Variants in CTC1 observed in about 807,000 individuals in gnomAD.
CTC1 encodes CST complex subunit CTC1.
A neutral mutation model predicts 136.3 loss-of-function variants in CTC1; 91 were observed. That is an observed-to-expected ratio of 0.67 (90% CI 0.56 to 0.79). The LOEUF is 0.79. CTC1 is among the 30% of genes least tolerant of loss of function. CTC1 has a pLI of 0.00. For missense variants in CTC1, 1,432 were observed against 1,498.1 expected, an observed-to-expected ratio of 0.96 and a Z score of 0.73; for synonymous variants, 606 against 613.8, an observed-to-expected ratio of 0.99 and a Z score of 0.19.
chr17:8,227,119 G>A lies in CTC1; in HGVS notation c.*1061C>T, dbSNP rs1240025210. The A allele has an allele frequency of 6.6e-6, 1 of 150,526 alleles. No homozygotes were observed. Among genetic ancestry groups the A allele is most frequent in the East Asian group, 1.9e-4 (1 of 5,196 alleles). The allele number at this position is 150,526 out of a possible 1,614,324, so 9.3% of individuals were successfully genotyped here. A position where few individuals can be genotyped will look rare whatever the true frequency, so the allele number is the denominator to read the frequency against. ...AATATAGGGTATTGCTACCATAAAA[G>A]CAGCATAAATCCCAACATATGGGTT... On this transcript the variant is annotated 3_prime_UTR_variant, in exon 23 of 23. Coordinates refer to ENST00000651323, the MANE Select transcript of CTC1 (RefSeq NM_025099.6).
chr17:8,240,914 A>G (rs545510195), intron 2 of CTC1, among the ~76,000 whole-genome samples: 4 of 152,322 alleles, frequency 2.6e-5, no homozygotes, highest in Non-Finnish European at 4.4e-5. Context: ...ATGTAACAAA[A>G]TATCATTTAA....
chr17:8,226,220 G>A lies in CTC1; in HGVS notation c.*1960C>T, dbSNP rs11650309. On this transcript the variant is annotated 3_prime_UTR_variant, in exon 23 of 23. Coordinates refer to ENST00000651323, the MANE Select transcript of CTC1 (RefSeq NM_025099.6). ...GTGGATTTAGCCGCAAAATCACGCT[G>A]TTTCAATTGAATAAAGGCACCGCTG... The A allele has an allele frequency of 2.6e-5, 4 of 152,110 alleles. No homozygotes were observed. The highest frequency in any genetic ancestry group is 7.2e-5 in the African/African-American group (3 of 41,392). The allele number at this position is 152,110 out of a possible 1,614,324, so 9.4% of individuals were successfully genotyped here. A position where few individuals can be genotyped will look rare whatever the true frequency, so the allele number is the denominator to read the frequency against.
chr17:8,231,270 A>G lies in CTC1; in HGVS notation c.2669+6T>C. On this transcript the variant is annotated splice_donor_region_variant and intron_variant, in intron 15 of 22. Transcript: ENST00000651323. ...AATTAACCAGAGGGGCTTGGTGGACATTTACTTGTCACTGAGCAGGTCGGT... is the reference window on the plus strand; with the variant it reads ...AATTAACCAGAGGGGCTTGGTGGACGTTTACTTGTCACTGAGCAGGTCGGT... 1 of 1,518,838 alleles carries G rather than the reference A, an allele frequency of 6.6e-7. No homozygotes were observed. Among genetic ancestry groups the G allele is most frequent in the South Asian group, 1.3e-5 (1 of 78,260 alleles). The allele number at this position is 1,518,838 out of a possible 1,614,324, so 94.1% of individuals were successfully genotyped here. A position where few individuals can be genotyped will look rare whatever the true frequency, so the allele number is the denominator to read the frequency against.
chr17:8,231,287 C>T lies in CTC1; in HGVS notation c.2658G>A (p.Leu886=). Residue 886 remains leucine (L), a synonymous_variant, in exon 15 of 23, where the codon CTG becomes CTA. Transcript: ENST00000651323. Reference sequence around the variant, plus strand: ...TGGTGGACATTTACTTGTCACTGAGCAGGTCGGTCAGTGAGGATTCAGGCA... The same window carrying T: ...TGGTGGACATTTACTTGTCACTGAGTAGGTCGGTCAGTGAGGATTCAGGCA... ...KSLPESSLTD[L]LSDNFTDSLV... 6.4e-7 allele frequency: 1 copy of T among 1,567,264 alleles called. No homozygotes were observed. Among genetic ancestry groups the T allele is most frequent in the Non-Finnish European group, 8.7e-7 (1 of 1,150,610 alleles).
intron 1 of CTC1, 66 bp downstream of exon 1, chr17:8,247,938 A>C (rs1238909867): frequency 6.6e-7 from 1 of 1,520,198 alleles, no homozygotes; most frequent in Non-Finnish European, 9.0e-7. Context: ...CAGAGGAAAT[A>C]GGAAGAGAAA....
rs1407136775 is a variant in CTC1 at position 8,234,773 on chromosome 17, C to T, written c.1593G>A (p.Glu531=). The change falls in exon 9 of 23, where the codon GAG becomes GAA. Residue 531 remains glutamate (E), a synonymous_variant. Transcript: ENST00000651323. ...VRNAHNEILE[E]PHHCPLQKYT... Reference sequence around the variant, plus strand: ...CTTTCTGGAGGGGACAGTGATGTGGCTCTTCAAGGATCTCATTGTGTGCAT... The same window carrying T: ...CTTTCTGGAGGGGACAGTGATGTGGTTCTTCAAGGATCTCATTGTGTGCAT... 1 of 1,600,472 alleles carries T rather than the reference C, an allele frequency of 6.2e-7. No homozygotes were observed. Among genetic ancestry groups the T allele is most frequent in the Admixed American group, 1.7e-5 (1 of 58,534 alleles).
In CTC1 at chr17:8,228,842, T is replaced by C. The variant is rs1597373397; in HGVS notation, c.3272A>G (p.His1091Arg). Reference sequence around the variant, plus strand: ...CAGCCCTAGTGCTGCTGCCACATGGTGATTCCTACAGGTCACCACGGCTTC... The same window carrying C: ...CAGCCCTAGTGCTGCTGCCACATGGCGATTCCTACAGGTCACCACGGCTTC... ...TAEAVVTCRNHHVAAALGLCP... is the reference protein window; with the variant it reads ...TAEAVVTCRNRHVAAALGLCP... Residue 1091 changes from histidine (H) to arginine (R), a missense_variant, in exon 21 of 23, where the codon CAC becomes CGC. By Grantham distance (29) the His-to-Arg change is conservative. Transcript: ENST00000651323. 1 of 1,613,962 alleles carries C rather than the reference T, an allele frequency of 6.2e-7. No homozygotes were observed. Among genetic ancestry groups the C allele is most frequent in the East Asian group, 2.2e-5 (1 of 44,880 alleles).
Position 8,248,050 on chromosome 17 carries a change from T to G in CTC1, c.-14A>C, listed in dbSNP as rs1304941630. The G allele has an allele frequency of 2.5e-6, 3 of 1,180,804 alleles. No homozygotes were observed. The highest frequency in any genetic ancestry group is 3.4e-6 in the Non-Finnish European group (3 of 876,686). 73.1% of individuals were successfully genotyped at this position (1,180,804 alleles called of 1,614,324 possible). A position where few individuals can be genotyped will look rare whatever the true frequency, so the allele number is the denominator to read the frequency against. ...GCCAGCCGCCATGATGCGCCGGAGC[T>G]CCGCCCCCGGGAGGGGCAGGTGCTC... On this transcript the variant is annotated 5_prime_UTR_variant, in exon 1 of 23. Transcript: ENST00000651323.
At chr17:8,232,688 G>A in intron 11 of CTC1, 2 of 701,348 alleles carry the variant, frequency 2.9e-6, no homozygotes, top group South Asian at 1.8e-5. Context: ...TGGAGTGCAT[G>A]TTAGGAGCTA....
At position 8,226,083 on chromosome 17, in the gene CTC1, A is replaced by G. The variant is rs1000047631; in HGVS notation, c.*2097T>C. On this transcript the variant is annotated 3_prime_UTR_variant, in exon 23 of 23. Transcript: ENST00000651323. ...CCCCTAAGTTAGAGAACCACCTTTT[A>G]GAGTGGCGATCTCATGGGAGTGGCA... 1 of 152,176 alleles carries G rather than the reference A, an allele frequency of 6.6e-6. No homozygotes were observed. The highest frequency in any genetic ancestry group is 1.9e-4 in the East Asian group (1 of 5,194). The allele number at this position is 152,176 out of a possible 1,614,324, so 9.4% of individuals were successfully genotyped here. A position where few individuals can be genotyped will look rare whatever the true frequency, so the allele number is the denominator to read the frequency against.
In CTC1 at chr17:8,235,139, G is replaced by A. The variant is rs767761553; in HGVS notation, c.1353C>T (p.Ser451=). The change falls in exon 8 of 23, where the codon TCC becomes TCT. Residue 451 remains serine (S), a synonymous_variant. Transcript: ENST00000651323. Reference sequence around the variant, plus strand: ...GTTCCCACACCAGCTGCTCGTACAGGGAGGCCCCGTAGGCTTGACGGGATG... The same window carrying A: ...GTTCCCACACCAGCTGCTCGTACAGAGAGGCCCCGTAGGCTTGACGGGATG... The part of the protein sequence containing the change: ...AHSSRQAYGA[S]LYEQLVWERQ... 3 of 1,614,184 alleles carry A rather than the reference G, an allele frequency of 1.9e-6. No individual in the cohort carries two copies. Among genetic ancestry groups the A allele is most frequent in the Non-Finnish European group, 2.5e-6 (3 of 1,180,034 alleles).
rs1452514240 is a variant in CTC1 at position 8,243,181 on chromosome 17, A to G, written c.34-33T>C. The G allele has an allele frequency of 1.1e-5, 18 of 1,593,632 alleles. No homozygotes were observed. The Admixed American group carries it at 3.0e-4, about 27-fold the overall frequency. ...AAGTGAATTTAGTTAAAACATCTTG[A>G]CTATCCGGCCCACCAAGGAAACTTG... is the stretch of plus-strand genomic sequence containing the variant. On this transcript the variant is annotated intron_variant, in intron 1 of 22. Coordinates refer to ENST00000651323, the MANE Select transcript of CTC1 (RefSeq NM_025099.6).
At chr17:8,231,616 C>A in intron 14 of CTC1, 110 bp downstream of exon 14, 1 of 1,259,000 alleles carries the variant, frequency 7.9e-7, no homozygotes, top group Non-Finnish European at 1.1e-6. Flanking sequence ...TATCTAAATC[C>A]AGCCTTCTTC....
At chr17:8,247,033 G>A (rs1988788595) in intron 1 of CTC1, among the ~76,000 whole-genome samples, 1 of 148,020 alleles carries the variant, frequency 6.8e-6, no homozygotes, top group African/African-American at 2.5e-5. Flanking sequence ...TGGCTCTGTC[G>A]TCCAGGCTAG....
intron 1 of CTC1, among the ~76,000 whole-genome samples, chr17:8,243,519 CAAAA>C (rs796589471): frequency 1.1e-5 from 1 of 89,124 alleles, no homozygotes; most frequent in East Asian, 3.3e-4. Flanking sequence ...AACTCCGTCT[CAAAA>C]AAAAAAAAAA....
Position 8,226,318 on chromosome 17 carries a change from A to G in CTC1, c.*1862T>C, listed in dbSNP as rs1029174066. The G allele has an allele frequency of 1.3e-5, 2 of 152,258 alleles. No individual in the cohort carries two copies. Among genetic ancestry groups the G allele is most frequent in the African/African-American group, 4.8e-5 (2 of 41,450 alleles). The allele number at this position is 152,258 out of a possible 1,614,324, so 9.4% of individuals were successfully genotyped here. On this transcript the variant is annotated 3_prime_UTR_variant, in exon 23 of 23. Coordinates refer to ENST00000651323, the MANE Select transcript of CTC1 (RefSeq NM_025099.6). ...ACTAAGCCACGGCGCCGAAGCTGCC[A>G]TAAAGGTTCCTGAAATTCATCTACA...
At chr17:8,241,080 G>T (rs1988175460) in intron 2 of CTC1, among the ~76,000 whole-genome samples, 1 of 151,996 alleles carries the variant, frequency 6.6e-6, no homozygotes, top group Non-Finnish European at 1.5e-5. Context: ...CCTGAGGTCA[G>T]GAGTTCAAGA....
At chr17:8,236,017 T>G (rs1450020509) in intron 6 of CTC1, 41 bp downstream of exon 6, 1 of 1,599,158 alleles carries the variant, frequency 6.3e-7, no homozygotes, top group Non-Finnish European at 8.6e-7. Flanking sequence ...AAAACCCACA[T>G]TTCTGGCCCC....
At position 8,238,389 on chromosome 17, in the gene CTC1, C is replaced by A. The variant is rs6503093; in HGVS notation, c.435+3G>T. 3 of 1,611,958 alleles carry A rather than the reference C, an allele frequency of 1.9e-6. No homozygotes were observed. The highest frequency in any genetic ancestry group is 3.3e-5 in the Admixed American group (2 of 59,950). On this transcript the variant is annotated splice_donor_region_variant and intron_variant, in intron 3 of 22. Coordinates refer to ENST00000651323, the MANE Select transcript of CTC1 (RefSeq NM_025099.6). ...AGGCATCTGATCTCCACCTTCCACT[C>A]ACCTCACAGCTCAGGACGCCAGTGT...
Sources: allele counts gnomAD v4.1 joint callset (sites outside exome capture counted in the v4.1 genomes callset), GRCh38; gene constraint gnomAD v4.1.1; transcripts MANE v1.5; gene names NCBI Gene and HGNC (gene_info 2026-07-23, HGNC 2026-07-21).